Variants in GRIK4 observed in about 807,000 individuals in gnomAD.
The protein encoded by GRIK4 is glutamate receptor ionotropic, kainate 4.
Under a neutral mutation model 104.9 loss-of-function variants are expected in GRIK4, and 40 were observed. That is an observed-to-expected ratio of 0.38 (90% confidence interval 0.30 to 0.50). The LOEUF is 0.50. GRIK4 is among the 20% of genes least tolerant of loss of function. The pLI is 0.93. For missense variants in GRIK4, 1,047 were observed against 1,308.1 expected, an observed-to-expected ratio of 0.80 and a Z score of 3.08; for synonymous variants, 485 against 524.9, an observed-to-expected ratio of 0.92 and a Z score of 1.04.
At chr11:120,514,982 C>T (rs937374794) in intron 1 of GRIK4, 1 of 456,632 alleles carries the variant, frequency 2.2e-6, no homozygotes, top group Non-Finnish European at 4.4e-6. Flanking sequence ...TGTCTTCTTA[C>T]AGAGGGTAAC....
intron 3 of GRIK4, among the ~76,000 whole-genome samples, chr11:120,748,839 T>G (rs3133862): frequency 0.17 from 25,711 of 152,146 alleles, 2,546 homozygotes; most frequent in South Asian, 0.33. Context: ...CTAGGCAAGC[T>G]GCAGCCTTCC....
intron 7 of GRIK4, among the ~76,000 whole-genome samples, chr11:120,833,342 C>T (rs945919344): frequency 7.9e-5 from 12 of 151,894 alleles, no homozygotes; most frequent in Non-Finnish European, 4.4e-5. Context: ...TCTTTTCTTC[C>T]TTTTCCTCTG....
intron 14 of GRIK4, among the ~76,000 whole-genome samples, chr11:120,943,150 ACCCC>A (rs368836920): frequency 0.027 from 3,427 of 128,810 alleles, 198 homozygotes; most frequent in African/African-American, 0.096. Context: ...ACACACACAC[ACCCC>A]CCTGACTGTT....
chr11:120,836,961 G>GATTA, intron 8 of GRIK4, 117 bp downstream of exon 8: 1 of 673,502 alleles, frequency 1.5e-6, no homozygotes, highest in South Asian at 1.8e-5. Context: ...AAGCAGAGGA[G>GATTA]CAGAAGCCAA....
intron 11 of GRIK4, among the ~76,000 whole-genome samples, chr11:120,885,411 G>A (rs1300279186): frequency 6.6e-6 from 1 of 150,824 alleles, no homozygotes; most frequent in African/African-American, 2.4e-5. Context: ...CTGAGATGGA[G>A]TTTCACTCTT....
intron 3 of GRIK4, among the ~76,000 whole-genome samples, chr11:120,733,766 C>T (rs1951179514): frequency 7.0e-6 from 1 of 142,218 alleles, no homozygotes; most frequent in African/African-American, 2.6e-5. Flanking sequence ...GAGATGGAGT[C>T]TTGCTCTGTC....
chr11:120,878,020 C>T (rs150698001), intron 11 of GRIK4, among the ~76,000 whole-genome samples: 33 of 152,348 alleles, frequency 2.2e-4, no homozygotes, highest in Admixed American at 7.2e-4. Flanking sequence ...GCAGCCGCTG[C>T]TCAGGCTAGC....
At position 120,739,131 on chromosome 11, in the gene GRIK4, A is replaced by G. The variant is rs1218443023; in HGVS notation, c.83-63562A>G. Reference sequence around the variant, plus strand: ...TTCTTAGTTGAGTTTCCAAGGCTCAATCCCCCCTCCTGTAGCCACCTGCCC... The same window carrying G: ...TTCTTAGTTGAGTTTCCAAGGCTCAGTCCCCCCTCCTGTAGCCACCTGCCC... On this transcript the variant is annotated intron_variant, in intron 3 of 20. Transcript: ENST00000527524. Among the ~76,000 whole-genome samples, 3 of 151,938 alleles carry G rather than the reference A, an allele frequency of 2.0e-5. No individual in the cohort carries two copies. In the South Asian group the frequency reaches 6.2e-4, roughly 32 times the overall value.
chr11:120,759,598 C>G (rs1392573592), intron 3 of GRIK4, among the ~76,000 whole-genome samples: 1 of 152,042 alleles, frequency 6.6e-6, no homozygotes, highest in Non-Finnish European at 1.5e-5. Context: ...CTCACTTAAC[C>G]ACCCTGAACT....
At chr11:120,637,667 G>A (rs1161783529) in intron 1 of GRIK4, among the ~76,000 whole-genome samples, 1 of 152,052 alleles carries the variant, frequency 6.6e-6, no homozygotes, top group Non-Finnish European at 1.5e-5. Flanking sequence ...ATTATTTCTT[G>A]CGGCGATCTG....
At chr11:120,899,265 A>T (rs1011436242) in intron 12 of GRIK4, among the ~76,000 whole-genome samples, 1 of 151,984 alleles carries the variant, frequency 6.6e-6, no homozygotes, top group Non-Finnish European at 1.5e-5. Context: ...AAAAAAAAAT[A>T]GAAAAATTAG....
At chr11:120,563,530 T>C (rs1948267022) in intron 1 of GRIK4, among the ~76,000 whole-genome samples, 1 of 152,108 alleles carries the variant, frequency 6.6e-6, no homozygotes, top group South Asian at 2.1e-4. Context: ...GGTTCAGCTT[T>C]TGAACTCGTT....
intron 13 of GRIK4, among the ~76,000 whole-genome samples, chr11:120,924,146 C>G (rs1291193318): frequency 6.6e-6 from 1 of 152,196 alleles, no homozygotes; most frequent in Non-Finnish European, 1.5e-5. Context: ...CTAGACTCTT[C>G]TTCATCCAAA....
At chr11:120,715,369 C>T (rs953779299) in intron 3 of GRIK4, among the ~76,000 whole-genome samples, 1 of 152,064 alleles carries the variant, frequency 6.6e-6, no homozygotes, top group African/African-American at 2.4e-5. Context: ...CATCCGTTGT[C>T]GGAAAGCGGT....
intron 1 of GRIK4, among the ~76,000 whole-genome samples, chr11:120,532,498 T>G (rs777668352): frequency 2.0e-4 from 31 of 152,374 alleles, no homozygotes; most frequent in Middle Eastern, 3.4e-3. Flanking sequence ...TAATTGAATG[T>G]CCATTGATTG....
At chr11:120,938,014 A>T (rs532677389) in intron 13 of GRIK4, among the ~76,000 whole-genome samples, 1 of 152,130 alleles carries the variant, frequency 6.6e-6, no homozygotes, top group African/African-American at 2.4e-5. Flanking sequence ...CGTTTACCTC[A>T]TGCCCATTTC....
chr11:120,659,738 T>C (rs1949779510), intron 2 of GRIK4, among the ~76,000 whole-genome samples: 1 of 152,212 alleles, frequency 6.6e-6, no homozygotes, highest in Admixed American at 6.5e-5. Context: ...GATGAGGGTT[T>C]TGTTTGTTTG....
chr11:120,527,963 A>G (rs1405852354), intron 1 of GRIK4, among the ~76,000 whole-genome samples: 1 of 152,130 alleles, frequency 6.6e-6, no homozygotes, highest in Non-Finnish European at 1.5e-5. Context: ...CTCATCAACA[A>G]ACAAGTCCTT....
At chr11:120,563,430 T>A (rs1022012235) in intron 1 of GRIK4, among the ~76,000 whole-genome samples, 9 of 152,122 alleles carry the variant, frequency 5.9e-5, no homozygotes, top group Non-Finnish European at 1.3e-4. Context: ...AATCCCTATA[T>A]TTTTGGTCCC....
Sources: allele counts gnomAD v4.1 joint callset (sites outside exome capture counted in the v4.1 genomes callset), GRCh38; gene constraint gnomAD v4.1.1; transcripts MANE v1.5; gene names NCBI Gene and HGNC (gene_info 2026-07-23, HGNC 2026-07-21).